TANC1: variants seen among roughly 807,000 people sequenced by gnomAD.
TANC1 encodes the protein tetratricopeptide repeat, ankyrin repeat and coiled-coil containing 1.
A neutral mutation model predicts 149.7 loss-of-function variants in TANC1; 77 were observed. The ratio of observed to expected loss-of-function variants is 0.51; its 90% CI spans 0.43 to 0.62. The LOEUF is 0.62. Ranked by LOEUF, TANC1 falls within the 20% of genes least tolerant of loss-of-function variation. The probability of loss-of-function intolerance (pLI) is 0.00; values close to 1 mark genes in which losing one functional copy is unlikely to be tolerated. For missense variants in TANC1, 1,985 were observed against 2,321.8 expected, an observed-to-expected ratio of 0.85 and a Z score of 2.98; for synonymous variants, 854 against 925.0, an observed-to-expected ratio of 0.92 and a Z score of 1.39.
At chr2:159,077,458 T>C (rs1470269170) in intron 3 of TANC1, among the ~76,000 whole-genome samples, 1 of 152,230 alleles carries the variant, frequency 6.6e-6, no homozygotes, top group Non-Finnish European at 1.5e-5. Flanking sequence ...CCAAAGGCAA[T>C]TAATGTTAAC....
chr2:159,183,773 G>A (rs954036709), intron 14 of TANC1, among the ~76,000 whole-genome samples: 1 of 152,114 alleles, frequency 6.6e-6, no homozygotes, highest in African/African-American at 2.4e-5. Context: ...GATCCATAAA[G>A]AAGGAGAAAT....
intron 3 of TANC1, among the ~76,000 whole-genome samples, chr2:159,072,248 C>G (rs895224290): frequency 2.6e-5 from 4 of 152,210 alleles, no homozygotes; most frequent in African/African-American, 4.8e-5. Flanking sequence ...TCACAGAGTG[C>G]TGGGATTACA....
chr2:159,089,489 C>T (rs1391625664), intron 3 of TANC1, among the ~76,000 whole-genome samples: 2 of 152,210 alleles, frequency 1.3e-5, no homozygotes, highest in African/African-American at 4.8e-5. Flanking sequence ...TCCTGTCCTG[C>T]CTCATTTCCT....
At chr2:159,168,185 A>C (rs2054801561) in intron 8 of TANC1, among the ~76,000 whole-genome samples, 1 of 152,208 alleles carries the variant, frequency 6.6e-6, no homozygotes, top group Non-Finnish European at 1.5e-5. Context: ...GGTTTTTAAA[A>C]GGCAAAAACG....
intron 11 of TANC1, among the ~76,000 whole-genome samples, chr2:159,173,345 G>C: frequency 6.6e-6 from 1 of 152,190 alleles, no homozygotes; most frequent in South Asian, 2.1e-4. Context: ...GCTCATGCTT[G>C]TAATCCCAGC....
chr2:158,983,830 C>G (rs541430894), intron 1 of TANC1, among the ~76,000 whole-genome samples: 1 of 152,246 alleles, frequency 6.6e-6, no homozygotes, highest in African/African-American at 2.4e-5. Context: ...CTCCTTATTG[C>G]CTTTGTGCCT....
intron 2 of TANC1, among the ~76,000 whole-genome samples, chr2:159,040,308 C>G (rs1360348989): frequency 6.6e-6 from 1 of 152,026 alleles, no homozygotes; most frequent in Non-Finnish European, 1.5e-5. Context: ...GTTGGCGTGC[C>G]TTGCTAGGTT....
At chr2:159,067,193 A>G (rs1465790780) in intron 3 of TANC1, among the ~76,000 whole-genome samples, 2 of 152,354 alleles carry the variant, frequency 1.3e-5, no homozygotes, top group Non-Finnish European at 2.9e-5. Context: ...CCATACTTAT[A>G]TAAGAGAATA....
intron 2 of TANC1, among the ~76,000 whole-genome samples, chr2:159,005,331 C>T (rs2037052323): frequency 6.6e-6 from 1 of 152,212 alleles, no homozygotes. Context: ...TGGCTTATGC[C>T]TATAATCCGC....
At chr2:159,056,639 G>A (rs2041881395) in intron 2 of TANC1, 1 of 170,140 alleles carries the variant, frequency 5.9e-6, no homozygotes, top group African/African-American at 2.4e-5. Context: ...CATGGTCAGA[G>A]TTGTAACAGC....
intron 3 of TANC1, among the ~76,000 whole-genome samples, chr2:159,094,672 G>T (rs568867341): frequency 6.6e-6 from 1 of 151,868 alleles, no homozygotes; most frequent in Non-Finnish European, 1.5e-5. Flanking sequence ...CCAGACTCAT[G>T]CACAGTGCTA....
intron 11 of TANC1, 107 bp from the exon 12 acceptor site, chr2:159,174,846 A>G (rs1477135069): frequency 6.0e-5 from 49 of 819,004 alleles, no homozygotes; most frequent in African/African-American, 8.3e-5. Context: ...AATAGATGCT[A>G]TGTATCTTGT....
At chr2:159,196,829 G>C (rs915940124) in intron 18 of TANC1, 36 bp downstream of exon 18, 8 of 1,570,764 alleles carry the variant, frequency 5.1e-6, no homozygotes, top group Admixed American at 1.9e-5. Flanking sequence ...TGGGAAACAA[G>C]AAGCTGTAGC....
rs2060345322 is a variant in TANC1 at position 159,231,878 on chromosome 2, A to G, written c.*866A>G. ...CAAGCTCCTCTAAGGACAATATTTA[A>G]TTCAGATACTAAAGGTAAGACTGGT... On this transcript the variant is annotated 3_prime_UTR_variant, in exon 27 of 27. Coordinates refer to ENST00000263635, the MANE Select transcript of TANC1 (RefSeq NM_033394.3). 6.6e-6 allele frequency: 1 copy of G among 152,252 alleles called. No individual in the cohort carries two copies. The highest frequency in any genetic ancestry group is 2.1e-4 in the South Asian group (1 of 4,828). 9.4% of individuals were successfully genotyped at this position (152,252 alleles called of 1,614,324 possible). A position where few individuals can be genotyped will look rare whatever the true frequency, so the allele number is the denominator to read the frequency against.
At position 159,231,174 on chromosome 2, in the gene TANC1, T is replaced by C; in HGVS notation, c.*162T>C. The C allele has an allele frequency of 5.2e-6, 3 of 577,960 alleles. No homozygotes were observed. The highest frequency in any genetic ancestry group is 6.1e-6 in the Non-Finnish European group (2 of 330,482). 35.8% of individuals were successfully genotyped at this position (577,960 alleles called of 1,614,324 possible). ...TCTAAAATGTGGGATAAAACTTCTT[T>C]AATAGCTAGAAATCACCATAAATAA... On this transcript the variant is annotated 3_prime_UTR_variant, in exon 27 of 27. Coordinates refer to ENST00000263635, the MANE Select transcript of TANC1 (RefSeq NM_033394.3).
intron 16 of TANC1, among the ~76,000 whole-genome samples, chr2:159,193,844 A>AT (rs902401793): frequency 2.8e-4 from 41 of 147,760 alleles, no homozygotes; most frequent in African/African-American, 7.2e-4. Flanking sequence ...TTAATTAAAA[A>AT]TTTTTTTTTT....
chr2:159,222,274 T>C (rs928008576), intron 22 of TANC1, among the ~76,000 whole-genome samples: 2 of 152,238 alleles, frequency 1.3e-5, no homozygotes. Context: ...GCATAAAATT[T>C]ACCCTTAATC....
At position 159,036,965 on chromosome 2, in the gene TANC1, C is replaced by CAATCCCACCAACAGTGTAAA. The variant is rs1231203116; in HGVS notation, c.-15-28929_-15-28910dup. 9.2e-5 allele frequency among the ~76,000 whole-genome samples: 14 copies of CAATCCCACCAACAGTGTAAA among 152,248 alleles called. No homozygotes were observed. In the East Asian group the frequency reaches 2.7e-3, roughly 29 times the overall value. The stretch of plus-strand genomic sequence containing the variant: ...CTTCCACAATGGTTGAACTAGTTTA[C>CAATCCCACCAACAGTGTAAA]AATCCCACCAACAGTGTAAAAGTGT... On this transcript the variant is annotated intron_variant, in intron 2 of 26. Coordinates refer to ENST00000263635, the MANE Select transcript of TANC1 (RefSeq NM_033394.3).
intron 3 of TANC1, among the ~76,000 whole-genome samples, chr2:159,070,605 G>A (rs186094797): frequency 2.0e-5 from 3 of 152,266 alleles, no homozygotes; most frequent in Admixed American, 6.5e-5. Context: ...AAGAGAAAGT[G>A]CTTAAAGGAA....
Sources: gnomAD v4.1 joint callset for allele counts (sites outside exome capture counted in the v4.1 genomes callset) on GRCh38, gnomAD v4.1.1 for gene constraint, MANE v1.5 for transcripts, NCBI Gene and HGNC (gene_info 2026-07-23, HGNC 2026-07-21) for gene names.